The following B3GALT5 variants were observed in gnomAD, a reference collection of about 807,000 sequenced individuals.
B3GALT5 encodes the protein beta-1,3-galactosyltransferase 5, also known as UDP-Gal:betaGlcNAc beta 1,3-galactosyltransferase, polypeptide 5.
For missense variants in B3GALT5, 328 were observed against 396.6 expected (o/e 0.83, Z 1.47); for synonymous variants, 156 against 158.6 (o/e 0.98, Z 0.12).
chr21:39,638,046 A>G lies in B3GALT5; in HGVS notation c.-391-8346A>G, dbSNP rs556201727. On this transcript the variant is annotated intron_variant, in intron 1 of 3. Transcript: ENST00000684187. ...CCACACCGGGCCATTTCTCACTTTT[A>G]TGTCTGTTTGATACGGAAGAGGGGA... Among the ~76,000 whole-genome samples the G allele has an allele frequency of 7.2e-5, 11 of 152,094 alleles. No individual in the cohort carries two copies. In the South Asian group the frequency reaches 2.3e-3, roughly 32 times the overall value.
intron 2 of B3GALT5, among the ~76,000 whole-genome samples, chr21:39,658,966 G>A (rs2079479872): frequency 6.6e-6 from 1 of 152,242 alleles, no homozygotes; most frequent in Non-Finnish European, 1.5e-5. Context: ...TCTTGGCTGG[G>A]CACAGTGGCT....
At chr21:39,617,552 C>T (rs781696794) in intron 1 of B3GALT5, among the ~76,000 whole-genome samples, 3 of 152,144 alleles carry the variant, frequency 2.0e-5, no homozygotes, top group Non-Finnish European at 4.4e-5. Flanking sequence ...ATCAGGAGAA[C>T]AACATGGGGG....
intron 1 of B3GALT5, among the ~76,000 whole-genome samples, chr21:39,634,025 A>G (rs946031387): frequency 2.0e-5 from 3 of 152,176 alleles, no homozygotes; most frequent in African/African-American, 7.2e-5. Flanking sequence ...GCTCTTTGGA[A>G]CCACAGTAAA....
At chr21:39,631,946 A>G (rs2079194449) in intron 1 of B3GALT5, among the ~76,000 whole-genome samples, 1 of 152,234 alleles carries the variant, frequency 6.6e-6, no homozygotes. Flanking sequence ...CAGAAAGCAC[A>G]GCGTGGAGGT....
Position 39,667,295 on chromosome 21 carries a change from A to G in B3GALT5, c.*5803A>G, listed in dbSNP as rs1291619407. The G allele has an allele frequency of 6.6e-6, 1 of 152,258 alleles. No individual in the cohort carries two copies. Among genetic ancestry groups the G allele is most frequent in the South Asian group, 2.1e-4 (1 of 4,832 alleles). 9.4% of individuals were successfully genotyped at this position (152,258 alleles called of 1,614,324 possible). A position where few individuals can be genotyped will look rare whatever the true frequency, so the allele number is the denominator to read the frequency against. On this transcript the variant is annotated 3_prime_UTR_variant, in exon 4 of 4. Coordinates refer to ENST00000684187, the MANE Select transcript of B3GALT5 (RefSeq NM_001356336.2). ...CGGGTGCTGCACCGGTTATCCCAAC[A>G]GGCTGGCACAGAGGGCTGAAATGGA...
intron 1 of B3GALT5, among the ~76,000 whole-genome samples, chr21:39,633,644 GT>G (rs2079206742): frequency 6.6e-6 from 1 of 152,212 alleles, no homozygotes; most frequent in African/African-American, 2.4e-5. Flanking sequence ...AGTGGCTCAG[GT>G]TTCTCCTTCT....
At chr21:39,639,414 T>C (rs189611675) in intron 1 of B3GALT5, among the ~76,000 whole-genome samples, 1,449 of 102,772 alleles carry the variant, frequency 0.014, 57 homozygotes, top group Non-Finnish European at 0.018. Flanking sequence ...CTTTCTTTCT[T>C]TCTTTCTTTC....
At chr21:39,658,007 G>C (rs546279466) in intron 2 of B3GALT5, 1 of 958,448 alleles carries the variant, frequency 1.0e-6, no homozygotes, top group African/African-American at 1.7e-5. Flanking sequence ...GCTAGGATCT[G>C]GGGACACAGG....
Position 39,665,591 on chromosome 21 carries a change from C to T in B3GALT5, c.*4099C>T, listed in dbSNP as rs996240269. The T allele has an allele frequency of 2.0e-5, 3 of 152,330 alleles. No individual in the cohort carries two copies. Among genetic ancestry groups the T allele is most frequent in the Non-Finnish European group, 4.4e-5 (3 of 68,148 alleles). The allele number at this position is 152,330 out of a possible 1,614,324, so 9.4% of individuals were successfully genotyped here. On this transcript the variant is annotated 3_prime_UTR_variant, in exon 4 of 4. Coordinates refer to ENST00000684187, the MANE Select transcript of B3GALT5 (RefSeq NM_001356336.2). ...GTTCCAGCCACAGCAGCCCCTTTGC[C>T]CTATGTGCCCATCCCCGTCAGCCTT...
rs1948898802 is a variant in B3GALT5, at chr21:39,667,522, G to T, written c.*6030G>T. On this transcript the variant is annotated 3_prime_UTR_variant, in exon 4 of 4. Coordinates refer to ENST00000684187, the MANE Select transcript of B3GALT5 (RefSeq NM_001356336.2). ...GAACAAGGAAGCATTGTGTGTGTGT[G>T]TGCACACCCCAAGGTTGTGCAGCTA... 1 of 152,228 alleles carries T rather than the reference G, an allele frequency of 6.6e-6. No individual in the cohort carries two copies. Among genetic ancestry groups the T allele is most frequent in the Non-Finnish European group, 1.5e-5 (1 of 68,054 alleles). The allele number at this position is 152,228 out of a possible 1,614,324, so 9.4% of individuals were successfully genotyped here.
Position 39,672,359 on chromosome 21 carries a change from A to T in B3GALT5, c.*10867A>T, listed in dbSNP as rs1329561058. 2.6e-5 allele frequency: 4 copies of T among 152,236 alleles called. No individual in the cohort carries two copies. Among genetic ancestry groups the T allele is most frequent in the Admixed American group, 2.6e-4 (4 of 15,284 alleles). The allele number at this position is 152,236 out of a possible 1,614,324, so 9.4% of individuals were successfully genotyped here. ...TAAGACATCACTAAAATCTACCATG[A>T]CTGGAAATTACTTAATGCAACCAGA... On this transcript the variant is annotated 3_prime_UTR_variant, in exon 4 of 4. Transcript: ENST00000684187.
chr21:39,653,191 T>C (rs1376688813), intron 2 of B3GALT5, among the ~76,000 whole-genome samples: 1 of 152,252 alleles, frequency 6.6e-6, no homozygotes, highest in Non-Finnish European at 1.5e-5. Flanking sequence ...TTCATATAAA[T>C]GGAATCATTT....
chr21:39,651,066 C>T (rs185875496), intron 2 of B3GALT5, among the ~76,000 whole-genome samples: 14 of 152,172 alleles, frequency 9.2e-5, no homozygotes, highest in African/African-American at 2.2e-4. Context: ...TGAAGTGTGA[C>T]GGTCACTCAG....
At chr21:39,630,231 A>G (rs1476328499) in intron 1 of B3GALT5, 1 of 152,200 alleles carries the variant, frequency 6.6e-6, no homozygotes, top group Non-Finnish European at 1.5e-5. Flanking sequence ...TTAGCTGTGA[A>G]TCACTTCACG....
At chr21:39,625,246 A>T (rs1216510809) in intron 1 of B3GALT5, among the ~76,000 whole-genome samples, 1 of 152,192 alleles carries the variant, frequency 6.6e-6, no homozygotes, top group African/African-American at 2.4e-5. Context: ...CTAATGAAAC[A>T]TGATGATGCT....
intron 1 of B3GALT5, among the ~76,000 whole-genome samples, chr21:39,626,434 G>T (rs1327222139): frequency 6.6e-6 from 1 of 151,902 alleles, no homozygotes; most frequent in Non-Finnish European, 1.5e-5. Flanking sequence ...ATTTCTTTTG[G>T]GCATATGCAT....
Position 39,639,400 on chromosome 21 carries a change from TTTTCTTTCTTTC to T in B3GALT5, c.-391-6948_-391-6937del, listed in dbSNP as rs71330377. On this transcript the variant is annotated intron_variant, in intron 1 of 3. Transcript: ENST00000684187. The stretch of plus-strand genomic sequence containing the variant: ...CTTCCTTCCTTCCTTCCTTCTTTCT[TTTTCTTTCTTTC>T]TTTCTTTCTTTCTTTCTTTCTTTCT... 1.8e-3 allele frequency among the ~76,000 whole-genome samples: 102 copies of T among 57,188 alleles called. 4 individuals are homozygous for T. The East Asian group carries it at 0.032, about 18-fold the overall frequency. The allele number at this position is 57,188 out of a possible 152,430, so 37.5% of individuals were successfully genotyped here.
chr21:39,646,672 A>C (rs1944669801), intron 2 of B3GALT5, 50 bp downstream of exon 2: 1 of 152,186 alleles, frequency 6.6e-6, no homozygotes, highest in African/African-American at 2.4e-5. Context: ...ATACAATCCC[A>C]ATAATTAAAG....
intron 1 of B3GALT5, among the ~76,000 whole-genome samples, chr21:39,637,510 T>C (rs897448067): frequency 1.3e-5 from 2 of 152,250 alleles, no homozygotes; most frequent in Non-Finnish European, 2.9e-5. Context: ...GCTGCTTCCC[T>C]GTTGTATGCG....
Sources: gnomAD v4.1 joint callset for allele counts (sites outside exome capture counted in the v4.1 genomes callset) on GRCh38, gnomAD v4.1.1 for gene constraint, MANE v1.5 for transcripts, NCBI Gene and HGNC (gene_info 2026-07-23, HGNC 2026-07-21) for gene names.